MAS1: variants seen among roughly 807,000 people sequenced by gnomAD.
MAS1 encodes proto-oncogene Mas.
For synonymous variants in MAS1, 163 were observed against 164.2 expected (o/e 0.99, Z 0.05); for missense variants, 387 against 409.7 (o/e 0.94, Z 0.48).
In MAS1 at chr6:159,907,039, A is replaced by C. The variant is rs759739036; in HGVS notation, c.84A>C (p.Ala28=). ...STGRNASVGN[A]HRQIPIVHWV... is the part of the protein sequence containing the mutation. ...GCAGGAACGCCTCAGTCGGGAATGC[A>C]CATCGGCAAATCCCCATCGTGCACT... The change falls in exon 3 of 3, where the codon GCA becomes GCC. Residue 28 remains alanine (A), a synonymous_variant. Coordinates refer to ENST00000674077, the MANE Select transcript of MAS1 (RefSeq NM_002377.4). The C allele has an allele frequency of 6.2e-6, 10 of 1,613,948 alleles. No individual in the cohort carries two copies. The Admixed American group carries it at 1.5e-4, about 24-fold the overall frequency.
At chr6:159,906,206 G>A (rs1049456231) in intron 2 of MAS1, among the ~76,000 whole-genome samples, 2 of 152,150 alleles carry the variant, frequency 1.3e-5, no homozygotes, top group African/African-American at 4.8e-5. Context: ...GCACCATCTG[G>A]CCTGTGGTCT....
chr6:159,909,073 A>G lies in MAS1; in HGVS notation c.*1140A>G, dbSNP rs1782935395. 1 of 151,300 alleles carries G rather than the reference A, an allele frequency of 6.6e-6. No homozygotes were observed. Among genetic ancestry groups the G allele is most frequent in the African/African-American group, 2.4e-5 (1 of 41,070 alleles). 9.4% of individuals were successfully genotyped at this position (151,300 alleles called of 1,614,324 possible). On this transcript the variant is annotated 3_prime_UTR_variant, in exon 3 of 3. Transcript: ENST00000674077. Reference sequence around the variant, plus strand: ...CTGGAGGACTCTGATATTTTTGCTCATGACAGATCCTTGCATGACTTCCTC... The same window carrying G: ...CTGGAGGACTCTGATATTTTTGCTCGTGACAGATCCTTGCATGACTTCCTC...
intron 1 of MAS1, among the ~76,000 whole-genome samples, chr6:159,891,645 A>G (rs1315252654): frequency 6.6e-6 from 1 of 152,202 alleles, no homozygotes; most frequent in Non-Finnish European, 1.5e-5. Flanking sequence ...GGGCACTGGC[A>G]TCAGTATTAG....
chr6:159,890,222 G>T (rs1782681236), upstream of MAS1, among the ~76,000 whole-genome samples: 1 of 152,092 alleles, frequency 6.6e-6, no homozygotes, highest in South Asian at 2.1e-4. Context: ...GTTTTTAAAA[G>T]GTAGAAAAAC....
chr6:159,901,392 G>T (rs563258873), intron 2 of MAS1, among the ~76,000 whole-genome samples: 33 of 152,250 alleles, frequency 2.2e-4, no homozygotes, highest in African/African-American at 7.9e-4. Flanking sequence ...CAGGGGGATT[G>T]CTTGAGGTCA....
intron 2 of MAS1, among the ~76,000 whole-genome samples, chr6:159,905,090 A>C (rs913728605): frequency 1.3e-5 from 2 of 152,168 alleles, no homozygotes; most frequent in Non-Finnish European, 1.5e-5. Flanking sequence ...TCACGCACTG[A>C]CATCAGTTTG....
At position 159,908,242 on chromosome 6, in the gene MAS1, T is replaced by C; in HGVS notation, c.*309T>C. On this transcript the variant is annotated 3_prime_UTR_variant, in exon 3 of 3. Transcript: ENST00000674077. ...GGGACAAGGTAACAAAACTATTTGT[T>C]GGAACTTGAGGAGGCAGCTTGATGT... 5.0e-6 allele frequency: 1 copy of C among 201,484 alleles called. No individual in the cohort carries two copies. Among genetic ancestry groups the C allele is most frequent in the Non-Finnish European group, 1.0e-5 (1 of 99,922 alleles). 12.5% of individuals were successfully genotyped at this position (201,484 alleles called of 1,614,324 possible). A position where few individuals can be genotyped will look rare whatever the true frequency, so the allele number is the denominator to read the frequency against.
intron 1 of MAS1, among the ~76,000 whole-genome samples, chr6:159,894,701 G>A (rs1268011035): frequency 1.3e-5 from 2 of 152,184 alleles, no homozygotes; most frequent in Admixed American, 1.3e-4. Flanking sequence ...CTGCGCTGTT[G>A]AATGCACTGG....
In MAS1 at chr6:159,907,347, G is replaced by A. The variant is rs1218723940; in HGVS notation, c.392G>A (p.Cys131Tyr). The A allele has an allele frequency of 6.2e-7, 1 of 1,614,200 alleles. No homozygotes were observed. Among genetic ancestry groups the A allele is most frequent in the East Asian group, 2.2e-5 (1 of 44,878 alleles). ...YLLTAISVERCLSVLYPIWYR... is the reference protein window; with the variant it reads ...YLLTAISVERYLSVLYPIWYR... ...CTGACGGCCATTAGTGTGGAGAGGT[G>A]CCTGTCAGTCCTTTACCCCATCTGG... Residue 131 changes from cysteine to tyrosine, a missense_variant, in exon 3 of 3, where the codon TGC (cysteine) becomes TAC (tyrosine). Transcript: ENST00000674077.
At position 159,914,845 on chromosome 6, in the gene MAS1, T is replaced by C. The variant is rs141100861; in HGVS notation, c.*6912T>C. On this transcript the variant is annotated 3_prime_UTR_variant, in exon 3 of 3. Transcript: ENST00000674077. ...CCAGATCAGTGGGGAGATAAAATGC[T>C]CACCTGTAATTCTCTCCTGTCACCT... 3.3e-5 allele frequency: 5 copies of C among 152,362 alleles called. No individual in the cohort carries two copies. The highest frequency in any genetic ancestry group is 9.6e-5 in the African/African-American group (4 of 41,564). The allele number at this position is 152,362 out of a possible 1,614,324, so 9.4% of individuals were successfully genotyped here. A position where few individuals can be genotyped will look rare whatever the true frequency, so the allele number is the denominator to read the frequency against.
Position 159,908,509 on chromosome 6 carries a change from G to GCGCACACA in MAS1, c.*577_*578insGCACACAC, listed in dbSNP as rs1554229542. ...AAGATATAAATTTTTGTTTTGTAAA[G>GCGCACACA]CACACACACACACACACACACACAC... On this transcript the variant is annotated 3_prime_UTR_variant, in exon 3 of 3. Coordinates refer to ENST00000674077, the MANE Select transcript of MAS1 (RefSeq NM_002377.4). 6.9e-6 allele frequency: 1 copy of GCGCACACA among 145,878 alleles called. No homozygotes were observed. Among genetic ancestry groups the GCGCACACA allele is most frequent in the African/African-American group, 2.5e-5 (1 of 39,408 alleles). 9.0% of individuals were successfully genotyped at this position (145,878 alleles called of 1,614,324 possible). A position where few individuals can be genotyped will look rare whatever the true frequency, so the allele number is the denominator to read the frequency against.
In MAS1 at chr6:159,903,039, CA is replaced by C. The variant is rs571519187; in HGVS notation, c.-37+3651del. ...ACTCTGCACTTAATACTGATAACCCCAAAACTACACTGCCCCAGGCTCAGTT... is the reference window on the plus strand; with the variant it reads ...ACTCTGCACTTAATACTGATAACCCCAAACTACACTGCCCCAGGCTCAGTT... On this transcript the variant is annotated intron_variant, in intron 2 of 2. Coordinates refer to ENST00000674077, the MANE Select transcript of MAS1 (RefSeq NM_002377.4). Among the ~76,000 whole-genome samples the C allele has an allele frequency of 2.8e-3, 421 of 152,200 alleles. 5 individuals carry two copies. Among genetic ancestry groups the C allele is most frequent in the African/African-American group, 9.7e-3 (402 of 41,506 alleles).
intron 1 of MAS1, among the ~76,000 whole-genome samples, chr6:159,897,464 C>T (rs970406445): frequency 6.6e-6 from 1 of 152,152 alleles, no homozygotes; most frequent in Non-Finnish European, 1.5e-5. Flanking sequence ...ATCTTGTGGC[C>T]TCTGGCTGCA....
At chr6:159,893,659 A>G (rs220734) in intron 1 of MAS1, among the ~76,000 whole-genome samples, 37,902 of 152,088 alleles carry the variant, frequency 0.25, 5,895 homozygotes, top group East Asian at 0.78. Context: ...ATATGTATAT[A>G]TTTTATAAAG....
At chr6:159,904,493 G>A (rs1030107318) in intron 2 of MAS1, among the ~76,000 whole-genome samples, 4 of 152,148 alleles carry the variant, frequency 2.6e-5, no homozygotes, top group African/African-American at 9.7e-5. Context: ...TCTTCCGTCA[G>A]TGAATCAAAT....
intron 2 of MAS1, among the ~76,000 whole-genome samples, chr6:159,905,012 C>T (rs757661520): frequency 3.3e-5 from 5 of 152,142 alleles, no homozygotes; most frequent in Non-Finnish European, 7.3e-5. Flanking sequence ...ACACTATGGA[C>T]GATGGAACCC....
In MAS1 at chr6:159,907,802, G is replaced by T; in HGVS notation, c.847G>T (p.Val283Leu). 6.2e-7 allele frequency: 1 copy of T among 1,613,060 alleles called. No homozygotes were observed. Among genetic ancestry groups the T allele is most frequent in the Non-Finnish European group, 8.5e-7 (1 of 1,179,882 alleles). Reference protein sequence around the residue: ...SSANPFIYFFVGSSKKKRFKE... With the variant: ...SSANPFIYFFLGSSKKKRFKE... Reference sequence around the variant, plus strand: ...CGCCAACCCTTTCATTTACTTCTTTGTGGGAAGCAGTAAGAAGAAGAGATT... The same window carrying T: ...CGCCAACCCTTTCATTTACTTCTTTTTGGGAAGCAGTAAGAAGAAGAGATT... Residue 283 changes from valine to leucine, a missense_variant, in exon 3 of 3, where the codon GTG (valine) becomes TTG (leucine). By Grantham distance (32) the Val-to-Leu change is conservative (BLOSUM62 1). Coordinates refer to ENST00000674077, the MANE Select transcript of MAS1 (RefSeq NM_002377.4).
At position 159,916,278 on chromosome 6, in the gene MAS1, G is replaced by C. The variant is rs888749114; in HGVS notation, c.*8345G>C. The C allele has an allele frequency of 6.6e-6, 1 of 152,194 alleles. No homozygotes were observed. Among genetic ancestry groups the C allele is most frequent in the African/African-American group, 2.4e-5 (1 of 41,448 alleles). The allele number at this position is 152,194 out of a possible 1,614,324, so 9.4% of individuals were successfully genotyped here. A position where few individuals can be genotyped will look rare whatever the true frequency, so the allele number is the denominator to read the frequency against. ...AGACTGTATGATTCCACTCATATGA[G>C]GGGCTTAGAGTTGTCAGATTCATAG... On this transcript the variant is annotated 3_prime_UTR_variant, in exon 3 of 3. Transcript: ENST00000674077.
chr6:159,896,266 G>A (rs1755452333), intron 1 of MAS1, among the ~76,000 whole-genome samples: 2 of 152,176 alleles, frequency 1.3e-5, no homozygotes, highest in African/African-American at 4.8e-5. Flanking sequence ...CTGCACTCCA[G>A]CCTGGTTGAC....
Sources: gnomAD v4.1 joint callset for allele counts (sites outside exome capture counted in the v4.1 genomes callset) on GRCh38, gnomAD v4.1.1 for gene constraint, MANE v1.5 for transcripts, NCBI Gene and HGNC (gene_info 2026-07-23, HGNC 2026-07-21) for gene names.